The following SARM1 variants were observed in gnomAD, a reference collection of about 807,000 sequenced individuals.
SARM1 encodes the protein sterile alpha and TIR motif containing 1.
A neutral mutation model predicts 65.1 loss-of-function variants in SARM1; 60 were observed. That is an observed-to-expected ratio of 0.92 (90% CI 0.75 to 1.14). The LOEUF (loss-of-function observed/expected upper bound fraction) is 1.14. Ranked by LOEUF, SARM1 falls within the 50% of genes most tolerant of loss-of-function variation. The probability of loss-of-function intolerance (pLI) is 0.00; values close to 1 mark genes in which losing one functional copy is unlikely to be tolerated. For synonymous variants in SARM1, 417 were observed against 465.4 expected (o/e 0.90, Z 1.34); for missense variants, 913 against 1,015.7 (o/e 0.90, Z 1.37).
In SARM1 at chr17:28,385,094, C is replaced by A. The variant is rs377210302; in HGVS notation, c.1449C>A (p.Asp483Glu). The A allele has an allele frequency of 2.5e-5, 40 of 1,613,826 alleles. No homozygotes were observed. The highest frequency in any genetic ancestry group is 3.2e-5 in the Non-Finnish European group (38 of 1,179,904). ...LKTFANYSTCDRSNLADWLGS... is the reference protein window; with the variant it reads ...LKTFANYSTCERSNLADWLGS... ...CCTTCGCCAACTATTCTACGTGCGA[C>A]CGCAGCAACCTGGCGGACTGGCTGG... The change falls in exon 5 of 9, where the codon GAC (aspartate) becomes GAA (glutamate). Residue 483 changes from aspartate to glutamate, a missense_variant. Physicochemically the swap from Asp to Glu is conservative, Grantham distance 45. Transcript: ENST00000585482. The surrounding 1 kb of genome is among the most constrained non-coding windows in gnomAD (Gnocchi z 4.5).
At chr17:28,375,923 G>C (rs782568283) in intron 1 of SARM1, among the ~76,000 whole-genome samples, 3 of 152,180 alleles carry the variant, frequency 2.0e-5, no homozygotes, top group Non-Finnish European at 2.9e-5. Context: ...GAGAGTCTCT[G>C]CATATACAGG....
Position 28,400,625 on chromosome 17 carries a change from G to T in SARM1, c.*4339G>T. ...CCTGCATTACCCAATCAGAACAGCC[G>T]GGATGAGCAGGAGGCCAGCTCCCAG... On this transcript the variant is annotated 3_prime_UTR_variant, in exon 9 of 9. Coordinates refer to ENST00000585482, the MANE Select transcript of SARM1 (RefSeq NM_015077.4). 1 of 1,613,696 alleles carries T rather than the reference G, an allele frequency of 6.2e-7. No homozygotes were observed. The highest frequency in any genetic ancestry group is 8.5e-7 in the Non-Finnish European group (1 of 1,179,782).
Position 28,381,191 on chromosome 17 carries a change from T to C in SARM1, c.471-12T>C. On this transcript the variant is annotated splice_polypyrimidine_tract_variant and intron_variant, in intron 1 of 8. Transcript: ENST00000585482. ...GGCAATTCCACTGTCCCCTTCCACT[T>C]TCACTGGGCAGAGACCGCGTGGCGC... 6.3e-7 allele frequency: 1 copy of C among 1,576,470 alleles called. No homozygotes were observed. Among genetic ancestry groups the C allele is most frequent in the Non-Finnish European group, 8.6e-7 (1 of 1,162,250 alleles).
chr17:28,392,207 G>A (rs1555586997), intron 7 of SARM1, among the ~76,000 whole-genome samples: 1 of 151,786 alleles, frequency 6.6e-6, no homozygotes. Flanking sequence ...CGCCTCCCGG[G>A]TTCAAGTGAT....
At position 28,396,435 on chromosome 17, in the gene SARM1, GC is replaced by G; in HGVS notation, c.*152del. Reference sequence around the variant, plus strand: ...CCTCCCCCTGTCCCCCACCCTCATGGCCCACCTCCAACCCACTTTCCTCAGT... The same window carrying G: ...CCTCCCCCTGTCCCCCACCCTCATGGCCACCTCCAACCCACTTTCCTCAGT... On this transcript the variant is annotated 3_prime_UTR_variant, in exon 9 of 9. Transcript: ENST00000585482. The G allele has an allele frequency of 1.1e-6, 1 of 895,668 alleles. No homozygotes were observed. Among genetic ancestry groups the G allele is most frequent in the Non-Finnish European group, 1.7e-6 (1 of 592,264 alleles). 55.5% of individuals were successfully genotyped at this position (895,668 alleles called of 1,614,324 possible).
chr17:28,372,256 C>A lies in SARM1; in HGVS notation c.224C>A (p.Ala75Asp), dbSNP rs1555584155. The change falls in exon 1 of 9, where the codon GCC (alanine) becomes GAC (aspartate). Residue 75 changes from alanine to aspartate, a missense_variant. Transcript: ENST00000585482. This position sits in a 1 kb window ranked among gnomAD's most constrained non-coding sequence, Gnocchi z 5.2. The stretch of plus-strand genomic sequence containing the variant: ...CGCGCGCTGCCGGAGCTGCAGCAGG[C>A]CTTGTCCGCGCTGAAGCAGGCGGGC... ...LERALPELQQ[A>D]LSALKQAGGA... 17 of 1,394,652 alleles carry A rather than the reference C, an allele frequency of 1.2e-5. No individual in the cohort carries two copies. Among genetic ancestry groups the A allele is most frequent in the Non-Finnish European group, 1.6e-5 (17 of 1,085,064 alleles). The allele number at this position is 1,394,652 out of a possible 1,614,324, so 86.4% of individuals were successfully genotyped here.
chr17:28,372,378 C>A lies in SARM1; in HGVS notation c.346C>A (p.Leu116Met). 6.6e-7 allele frequency: 1 copy of A among 1,524,334 alleles called. No individual in the cohort carries two copies. The highest frequency in any genetic ancestry group is 8.8e-7 in the Non-Finnish European group (1 of 1,142,274). The allele number at this position is 1,524,334 out of a possible 1,614,324, so 94.4% of individuals were successfully genotyped here. The change falls in exon 1 of 9, where the codon CTG becomes ATG. Residue 116 changes from leucine (L) to methionine (M), a missense_variant. By Grantham distance (15) the Leu-to-Met change is conservative. Transcript: ENST00000585482. The surrounding 1 kb of genome is among the most constrained non-coding windows in gnomAD (Gnocchi z 5.2). ...CGTGGGCCGCGAGGTAGCCCAGGGT[C>A]TGTGCGACGCCATCCGCCTCGATGG... ...PAVGREVAQGLCDAIRLDGGL... is the reference protein window; with the variant it reads ...PAVGREVAQGMCDAIRLDGGL...
chr17:28,385,153 ACGGCCTGGTCAGCTG>A lies in SARM1; in HGVS notation c.1517_1531del (p.Val506_Leu510del). The A allele has an allele frequency of 1.2e-6, 2 of 1,613,058 alleles. No homozygotes were observed. The highest frequency in any genetic ancestry group is 1.7e-6 in the Non-Finnish European group (2 of 1,179,730). On this transcript the variant is annotated inframe_deletion, in exon 5 of 9. Coordinates refer to ENST00000585482, the MANE Select transcript of SARM1 (RefSeq NM_015077.4). This position sits in a 1 kb window ranked among gnomAD's most constrained non-coding sequence, Gnocchi z 4.5. ...GACCCGCGCTTCCGCCAGTACACCT[ACGGCCTGGTCAGCTG>A]CGGCCTGGACCGCTCCCTGCTGCAC...
At position 28,400,894 on chromosome 17, in the gene SARM1, T is replaced by A. The variant is rs2068188999; in HGVS notation, c.*4608T>A. The A allele has an allele frequency of 2.5e-6, 2 of 802,764 alleles. No individual in the cohort carries two copies. The highest frequency in any genetic ancestry group is 4.0e-5 in the Admixed American group (2 of 49,796). 49.7% of individuals were successfully genotyped at this position (802,764 alleles called of 1,614,324 possible). A position where few individuals can be genotyped will look rare whatever the true frequency, so the allele number is the denominator to read the frequency against. The stretch of plus-strand genomic sequence containing the variant: ...ATGTCTCCCCTTCCTCACCAGTAAA[T>A]CCTGCTACATCATGTACTGTGACAA... On this transcript the variant is annotated 3_prime_UTR_variant, in exon 9 of 9. Transcript: ENST00000585482.
rs1597829647 is a variant in SARM1, at chr17:28,399,493, A to G, written c.*3207A>G. The stretch of plus-strand genomic sequence containing the variant: ...TAGACAGAGGCTGGGTCAGCTGTGG[A>G]TGGGGTGGTGCCTTGGTCTCTCTTG... On this transcript the variant is annotated 3_prime_UTR_variant, in exon 9 of 9. Transcript: ENST00000585482. The G allele has an allele frequency of 1.5e-6, 1 of 667,288 alleles. No individual in the cohort carries two copies. 41.3% of individuals were successfully genotyped at this position (667,288 alleles called of 1,614,324 possible).
chr17:28,389,897 G>C (rs782411036), intron 7 of SARM1, among the ~76,000 whole-genome samples: 1 of 152,112 alleles, frequency 6.6e-6, no homozygotes, highest in Non-Finnish European at 1.5e-5. Context: ...CATACAAGTT[G>C]GTGTAAATGC....
chr17:28,400,829 C>T lies in SARM1; in HGVS notation c.*4543C>T. On this transcript the variant is annotated 3_prime_UTR_variant, in exon 9 of 9. Coordinates refer to ENST00000585482, the MANE Select transcript of SARM1 (RefSeq NM_015077.4). ...GGGCCATATTCCAACTCTGGCACCA[C>T]CACCTCACAGCTGTGTGACCGGGAG... is the stretch of plus-strand genomic sequence containing the variant. 1 of 1,448,166 alleles carries T rather than the reference C, an allele frequency of 6.9e-7. No homozygotes were observed. The highest frequency in any genetic ancestry group is 1.2e-5 in the South Asian group (1 of 81,620). The allele number at this position is 1,448,166 out of a possible 1,614,324, so 89.7% of individuals were successfully genotyped here.
chr17:28,377,810 A>G (rs12165026), intron 1 of SARM1, among the ~76,000 whole-genome samples: 18,268 of 152,034 alleles, frequency 0.12, 1,306 homozygotes, highest in East Asian at 0.23. Flanking sequence ...TGTTTCTCCT[A>G]TCTCAGCCTC....
intron 1 of SARM1, among the ~76,000 whole-genome samples, chr17:28,376,124 A>T (rs2067988254): frequency 6.6e-6 from 1 of 151,994 alleles, no homozygotes; most frequent in Non-Finnish European, 1.5e-5. Flanking sequence ...GCACAGTTCC[A>T]CTCTGTAAAG....
chr17:28,401,126 G>A lies in SARM1; in HGVS notation c.*4840G>A. On this transcript the variant is annotated 3_prime_UTR_variant, in exon 9 of 9. Coordinates refer to ENST00000585482, the MANE Select transcript of SARM1 (RefSeq NM_015077.4). ...TCCTCTTTGGAATCATCTCCTGTTTGGGATTAACTGCTGGTCTGATCAGTT... is the reference window on the plus strand; with the variant it reads ...TCCTCTTTGGAATCATCTCCTGTTTAGGATTAACTGCTGGTCTGATCAGTT... 1 of 342,674 alleles carries A rather than the reference G, an allele frequency of 2.9e-6. No homozygotes were observed. The allele number at this position is 342,674 out of a possible 1,614,324, so 21.2% of individuals were successfully genotyped here.
chr17:28,399,764 G>A lies in SARM1; in HGVS notation c.*3478G>A, dbSNP rs1555589137. 1.9e-6 allele frequency: 3 copies of A among 1,597,518 alleles called. No individual in the cohort carries two copies. Among genetic ancestry groups the A allele is most frequent in the Non-Finnish European group, 2.6e-6 (3 of 1,165,096 alleles). ...GGATTTCATGTGGGGAACCCTCAAG[G>A]CCTGTCTGGAGAAGTGACACAGGAT... is the stretch of plus-strand genomic sequence containing the variant. On this transcript the variant is annotated 3_prime_UTR_variant, in exon 9 of 9. Transcript: ENST00000585482.
Position 28,399,730 on chromosome 17 carries a change from A to C in SARM1, c.*3444A>C. 2 of 1,613,760 alleles carry C rather than the reference A, an allele frequency of 1.2e-6. 1 individual carries two copies. The highest frequency in any genetic ancestry group is 2.2e-5 in the South Asian group (2 of 91,056). On this transcript the variant is annotated 3_prime_UTR_variant, in exon 9 of 9. Transcript: ENST00000585482. ...TCCAGCATCCTGTGAGAGACCAGAG[A>C]GAGAGTTTGGATTTCATGTGGGGAA... is the stretch of plus-strand genomic sequence containing the variant.
chr17:28,384,240 C>A lies in SARM1; in HGVS notation c.1090-117C>A. ...CATGACTTAGTGGCTGAAGGTGGGG[C>A]CAGGGCAGATGGAGAGACTTTGGGT... On this transcript the variant is annotated intron_variant, in intron 2 of 8. Transcript: ENST00000585482. This position sits in a 1 kb window ranked among gnomAD's most constrained non-coding sequence, Gnocchi z 4.4. 1 of 796,128 alleles carries A rather than the reference C, an allele frequency of 1.3e-6. No individual in the cohort carries two copies. The highest frequency in any genetic ancestry group is 2.0e-6 in the Non-Finnish European group (1 of 512,770). The allele number at this position is 796,128 out of a possible 1,614,324, so 49.3% of individuals were successfully genotyped here. A position where few individuals can be genotyped will look rare whatever the true frequency, so the allele number is the denominator to read the frequency against.
In SARM1 at chr17:28,384,737, C is replaced by T. The variant is rs1459708293; in HGVS notation, c.1303-102C>T. 4.0e-6 allele frequency: 5 copies of T among 1,263,248 alleles called. No individual in the cohort carries two copies. The African/African-American group carries it at 4.4e-5, about 11-fold the overall frequency. 78.3% of individuals were successfully genotyped at this position (1,263,248 alleles called of 1,614,324 possible). A position where few individuals can be genotyped will look rare whatever the true frequency, so the allele number is the denominator to read the frequency against. On this transcript the variant is annotated intron_variant, in intron 3 of 8. Transcript: ENST00000585482. This position sits in a 1 kb window ranked among gnomAD's most constrained non-coding sequence, Gnocchi z 4.4. ...CACTCGGCTCTGATCTAGGTCCCATCCGCCTCCTCCACGCCATCTCCAGTT... is the reference window on the plus strand; with the variant it reads ...CACTCGGCTCTGATCTAGGTCCCATTCGCCTCCTCCACGCCATCTCCAGTT...
Sources: allele counts gnomAD v4.1 joint callset (sites outside exome capture counted in the v4.1 genomes callset), GRCh38; gene constraint gnomAD v4.1.1; non-coding constraint Gnocchi (gnomAD v3.1); transcripts MANE v1.5; gene names NCBI Gene and HGNC (gene_info 2026-07-23, HGNC 2026-07-21).